Variants in THSD4 observed in about 807,000 individuals in gnomAD.
THSD4 encodes the protein thrombospondin type-1 domain-containing protein 4.
THSD4 carries 69 observed loss-of-function variants against 119.0 expected under a neutral mutation model. The ratio of observed to expected loss-of-function variants is 0.58; its 90% CI spans 0.48 to 0.71. THSD4 has a LOEUF of 0.71. THSD4 is among the 30% of genes least tolerant of loss of function. THSD4 has a pLI of 0.00. For missense variants in THSD4, 1,393 were observed against 1,391.1 expected (o/e 1.00, Z -0.02); for synonymous variants, 524 against 540.4 (o/e 0.97, Z 0.42).
At chr15:71,101,643 C>G (rs2040253908) in intron 1 of THSD4, among the ~76,000 whole-genome samples, 1 of 152,170 alleles carries the variant, frequency 6.6e-6, no homozygotes, top group South Asian at 2.1e-4. Flanking sequence ...TGAGAATGTC[C>G]TTATTTCATT....
At chr15:71,134,333 C>T (rs970939277) in intron 1 of THSD4, among the ~76,000 whole-genome samples, 7 of 152,208 alleles carry the variant, frequency 4.6e-5, no homozygotes, top group Admixed American at 1.3e-4. Context: ...AGGGCTGTGA[C>T]GATTGATGAC....
upstream of THSD4, chr15:71,115,315 T>C (rs2040347592): frequency 6.6e-6 from 1 of 152,422 alleles, no homozygotes; most frequent in Admixed American, 6.5e-5. This position sits in a 1 kb window ranked among gnomAD's most constrained non-coding sequence, Gnocchi z 4.4. Flanking sequence ...CCAGGGACCA[T>C]CCCGTTGTTG....
intron 6 of THSD4, among the ~76,000 whole-genome samples, chr15:71,268,273 A>G (rs1285990083): frequency 6.6e-6 from 1 of 152,202 alleles, no homozygotes; most frequent in Non-Finnish European, 1.5e-5. Flanking sequence ...ACCACAGTGC[A>G]ATCAAAATAG....
intron 6 of THSD4, among the ~76,000 whole-genome samples, chr15:71,362,936 TA>T (rs1222363781): frequency 1.4e-5 from 2 of 139,918 alleles, no homozygotes; most frequent in Non-Finnish European, 3.0e-5. Context: ...TGTGAATTAG[TA>T]AAATTCACTA....
intron 6 of THSD4, among the ~76,000 whole-genome samples, chr15:71,403,507 G>A (rs1441262634): frequency 6.6e-6 from 1 of 152,156 alleles, no homozygotes; most frequent in Non-Finnish European, 1.5e-5. Flanking sequence ...TAACCTTCAT[G>A]AGGGTTTATT....
At chr15:71,320,734 C>T (rs756053917) in intron 6 of THSD4, among the ~76,000 whole-genome samples, 6 of 152,158 alleles carry the variant, frequency 3.9e-5, no homozygotes, top group East Asian at 1.9e-4. Flanking sequence ...ACCAAGAAAC[C>T]GCATCAAATA....
At chr15:71,476,541 C>T (rs1016964410) in intron 7 of THSD4, among the ~76,000 whole-genome samples, 2 of 152,196 alleles carry the variant, frequency 1.3e-5, no homozygotes, top group African/African-American at 2.4e-5. Context: ...CATGCCTGGC[C>T]AACCCCTTGT....
intron 7 of THSD4, among the ~76,000 whole-genome samples, chr15:71,561,863 AACACACACACAC>A (rs71154780): frequency 0.018 from 2,389 of 130,418 alleles, 42 homozygotes; most frequent in Non-Finnish European, 0.022. Flanking sequence ...TTTTAAAATA[AACACACACACAC>A]ACACACACAC....
intron 8 of THSD4, among the ~76,000 whole-genome samples, chr15:71,715,652 T>C (rs988554640): frequency 2.6e-5 from 4 of 152,134 alleles, no homozygotes; most frequent in Admixed American, 1.3e-4. Context: ...TGTTGGTTCA[T>C]AGTATAGTAA....
chr15:71,476,172 A>G (rs10162904), intron 7 of THSD4, among the ~76,000 whole-genome samples: 119,313 of 152,154 alleles, frequency 0.78, 46,905 homozygotes, highest in Admixed American at 0.8. Flanking sequence ...CAAGAAGTAT[A>G]GCTGGGATAA....
rs1397974054 is a variant in THSD4 at position 71,356,949 on chromosome 15, CAG to C, written c.1016-54730_1016-54729del. On this transcript the variant is annotated intron_variant, in intron 6 of 17. Coordinates refer to ENST00000261862, the MANE Select transcript of THSD4 (RefSeq NM_024817.3). ...TCACTGAGTCCAGCCCAAGGGGTAG[CAG>C]AGAGAGACCATGGCTGCGCACATCA... Among the ~76,000 whole-genome samples, 4 of 152,194 alleles carry C rather than the reference CAG, an allele frequency of 2.6e-5. No homozygotes were observed. The East Asian group carries it at 7.7e-4, about 29-fold the overall frequency.
intron 6 of THSD4, among the ~76,000 whole-genome samples, chr15:71,272,449 A>AGGACCT: frequency 6.7e-6 from 1 of 150,052 alleles, no homozygotes; most frequent in Non-Finnish European, 1.5e-5. Flanking sequence ...GGAGGGGCAA[A>AGGACCT]GGACCTGAAT....
intron 6 of THSD4, among the ~76,000 whole-genome samples, chr15:71,305,038 T>C (rs960537348): frequency 6.6e-6 from 1 of 152,214 alleles, no homozygotes; most frequent in African/African-American, 2.4e-5. Context: ...CACATATTCT[T>C]TTCACCTCTT....
intron 6 of THSD4, among the ~76,000 whole-genome samples, chr15:71,266,005 G>A (rs1482843370): frequency 6.6e-6 from 1 of 152,232 alleles, no homozygotes; most frequent in Non-Finnish European, 1.5e-5. Context: ...CAGACCGCCT[G>A]GGGGAAGGGG....
chr15:71,228,357 C>T (rs2044034835), intron 4 of THSD4, among the ~76,000 whole-genome samples: 1 of 152,140 alleles, frequency 6.6e-6, no homozygotes, highest in African/African-American at 2.4e-5. Context: ...GAAACAGATC[C>T]TCCCCCAGAG....
chr15:71,143,824 C>A (rs1458102463), intron 2 of THSD4, among the ~76,000 whole-genome samples: 2 of 151,350 alleles, frequency 1.3e-5, no homozygotes, highest in Admixed American at 1.3e-4. Flanking sequence ...TCCACCTCTG[C>A]CTCCCAAGTA....
At chr15:71,742,988 G>A (rs2053264869) in intron 11 of THSD4, among the ~76,000 whole-genome samples, 1 of 152,162 alleles carries the variant, frequency 6.6e-6, no homozygotes, top group South Asian at 2.1e-4. Context: ...CCGGGAGGTG[G>A]AGGTTGTGGT....
At chr15:71,307,745 G>C (rs919510601) in intron 6 of THSD4, among the ~76,000 whole-genome samples, 2 of 152,188 alleles carry the variant, frequency 1.3e-5, no homozygotes, top group Non-Finnish European at 2.9e-5. Context: ...TCTCCAGCCT[G>C]GGCGACAGAG....
rs114115368 is a variant in THSD4 at position 71,425,715 on chromosome 15, G to T, written c.1152+13892G>T. 9.5e-3 allele frequency among the ~76,000 whole-genome samples: 1,446 copies of T among 152,326 alleles called. 18 individuals carry two copies. Among genetic ancestry groups the T allele is most frequent in the African/African-American group, 0.033 (1,374 of 41,564 alleles). On this transcript the variant is annotated intron_variant, in intron 7 of 17. Transcript: ENST00000261862. Reference sequence around the variant, plus strand: ...AAGCCTACCATTTGAATGGGTGTTTGAAATAAATGTGTAAATGAAAGAAGG... The same window carrying T: ...AAGCCTACCATTTGAATGGGTGTTTTAAATAAATGTGTAAATGAAAGAAGG...
Sources: allele counts gnomAD v4.1 joint callset (sites outside exome capture counted in the v4.1 genomes callset), GRCh38; gene constraint gnomAD v4.1.1; non-coding constraint Gnocchi (gnomAD v3.1); transcripts MANE v1.5; gene names NCBI Gene and HGNC (gene_info 2026-07-23, HGNC 2026-07-21).